Variants in RNF213 observed in about 807,000 individuals in gnomAD.
The protein encoded by RNF213 is ring finger protein 213.
Under a neutral mutation model 514.4 loss-of-function variants are expected in RNF213, and 341 were observed. That is an observed-to-expected ratio of 0.66 (90% CI 0.61 to 0.73). The LOEUF is 0.73. RNF213 is among the 30% of genes least tolerant of loss of function. The pLI is 0.00. For synonymous variants in RNF213, 2,655 were observed against 2,658.2 expected, an observed-to-expected ratio of 1.00 and a Z score of 0.04; for missense variants, 5,767 against 6,615.6, an observed-to-expected ratio of 0.87 and a Z score of 4.45.
rs1482605965 is a variant in RNF213 at position 80,305,689 on chromosome 17, G to A, written c.2211-563G>A. The stretch of plus-strand genomic sequence containing the variant: ...TGCAGTGGCGTGATCTCGGCTCACT[G>A]CAATCTCTGCCGCCGGGGCTCAAGT... On this transcript the variant is annotated intron_variant, in intron 11 of 67. Transcript: ENST00000582970. 1.0e-4 allele frequency among the ~76,000 whole-genome samples: 15 copies of A among 150,152 alleles called. No homozygotes were observed. The East Asian group carries it at 3.0e-3, about 30-fold the overall frequency.
At chr17:80,305,911 G>A (rs1311124338) in intron 11 of RNF213, among the ~76,000 whole-genome samples, 10 of 152,144 alleles carry the variant, frequency 6.6e-5, no homozygotes, top group South Asian at 4.1e-4. Context: ...GAGCCACCAC[G>A]CCCGGCCATT....
chr17:80,368,926 G>A (rs1020277528), intron 44 of RNF213, among the ~76,000 whole-genome samples: 18 of 152,176 alleles, frequency 1.2e-4, no homozygotes, highest in African/African-American at 4.3e-4. Flanking sequence ...CTAAAAGTGG[G>A]GCACCAGGCA....
chr17:80,321,542 A>G (rs1730110705), intron 17 of RNF213: 1 of 152,230 alleles, frequency 6.6e-6, no homozygotes, highest in Non-Finnish European at 1.5e-5. Flanking sequence ...TTGCTGAATC[A>G]TATGGTAACT....
Position 80,312,384 on chromosome 17 carries a change from G to C in RNF213, c.2656-628G>C, listed in dbSNP as rs57970281. 1.3e-3 allele frequency among the ~76,000 whole-genome samples: 197 copies of C among 151,710 alleles called. 3 individuals are homozygous for C. The highest frequency in any genetic ancestry group is 4.5e-3 in the African/African-American group (184 of 41,302). On this transcript the variant is annotated intron_variant, in intron 14 of 67. Coordinates refer to ENST00000582970, the MANE Select transcript of RNF213 (RefSeq NM_001256071.3). ...GGTCTGGTGGGTCCGGCACGGAGGCGGGGGGAGAGCATGATGGGAGCACAG... is the reference window on the plus strand; with the variant it reads ...GGTCTGGTGGGTCCGGCACGGAGGCCGGGGGAGAGCATGATGGGAGCACAG...
Position 80,373,061 on chromosome 17 carries a change from G to T in RNF213, c.12838G>T (p.Val4280Leu), listed in dbSNP as rs1253930018. The change falls in exon 49 of 68, where the codon GTG (valine) becomes TTG (leucine). Residue 4280 changes from valine (V) to leucine (L), a missense_variant. This residue lies in a region of RNF213 where 1,245 missense variants were observed against 1,339.0 expected (regional missense o/e 0.93). Coordinates refer to ENST00000582970, the MANE Select transcript of RNF213 (RefSeq NM_001256071.3). ...VENDWHRVYLVRKLSSQRGME... is the reference protein window; with the variant it reads ...VENDWHRVYLLRKLSSQRGME... ...GAACGACTGGCACCGGGTGTACCTG[G>T]TGCGGAAGCTCAGCAGCCAGCGGGG... 8.7e-6 allele frequency: 14 copies of T among 1,613,890 alleles called. No individual in the cohort carries two copies. Among genetic ancestry groups the T allele is most frequent in the Non-Finnish European group, 1.2e-5 (14 of 1,180,012 alleles).
At chr17:80,325,221 A>C in intron 18 of RNF213, 23 bp downstream of exon 18, 1 of 1,519,284 alleles carries the variant, frequency 6.6e-7, no homozygotes, top group East Asian at 2.5e-5. Flanking sequence ...GAGTGCTGGG[A>C]ACATCAGCTC....
intron 37 of RNF213, among the ~76,000 whole-genome samples, chr17:80,359,493 GC>G (rs2078960843): frequency 2.1e-5 from 1 of 47,712 alleles, no homozygotes; most frequent in Non-Finnish European, 3.7e-5. Context: ...CTGCACTCTA[GC>G]CTGGGTGGTG....
At chr17:80,297,776 G>A (rs1367403623) in intron 10 of RNF213, among the ~76,000 whole-genome samples, 5 of 129,344 alleles carry the variant, frequency 3.9e-5, no homozygotes, top group African/African-American at 6.0e-5. Context: ...AACAGAGTGA[G>A]ACTCCGTCTC....
intron 55 of RNF213, 66 bp downstream of exon 55, chr17:80,379,780 A>G: frequency 7.7e-7 from 1 of 1,294,034 alleles, no homozygotes; most frequent in Non-Finnish European, 1.1e-6. Flanking sequence ...TTTTTATTCC[A>G]GCTGATAAAG....
intron 49 of RNF213, among the ~76,000 whole-genome samples, chr17:80,373,630 G>T (rs1414635503): frequency 6.6e-6 from 1 of 152,142 alleles, no homozygotes; most frequent in East Asian, 1.9e-4. Context: ...AGCTTGCAAG[G>T]TGCGACCTTT....
At position 80,349,960 on chromosome 17, in the gene RNF213, G is replaced by A; in HGVS notation, c.10088+54G>A. The A allele has an allele frequency of 3.7e-6, 6 of 1,608,486 alleles. No homozygotes were observed. The South Asian group carries it at 6.6e-5, about 18-fold the overall frequency. On this transcript the variant is annotated intron_variant, in intron 30 of 67. Transcript: ENST00000582970. The stretch of plus-strand genomic sequence containing the variant: ...TCTCCCTCCCCAGCCGCAGCCGTGT[G>A]GCTTCTGCGTGGCGATGGTACCCGC...
At chr17:80,284,614 T>C (rs949318903) in intron 3 of RNF213, among the ~76,000 whole-genome samples, 2 of 152,068 alleles carry the variant, frequency 1.3e-5, no homozygotes, top group Non-Finnish European at 2.9e-5. Flanking sequence ...TCTAATCCCA[T>C]TGAGGAAGTT....
At chr17:80,292,848 C>T (rs1366119666) in intron 8 of RNF213, among the ~76,000 whole-genome samples, 1 of 152,094 alleles carries the variant, frequency 6.6e-6, no homozygotes, top group African/African-American at 2.4e-5. Context: ...CTGGGGTCAA[C>T]TGGTTGTTGC....
intron 15 of RNF213, chr17:80,316,084 G>A (rs1394886417): frequency 6.6e-6 from 1 of 151,998 alleles, no homozygotes; most frequent in East Asian, 1.9e-4. Flanking sequence ...CCTGACCTAA[G>A]AAAAGTTCAT....
Position 80,395,477 on chromosome 17 carries a change from G to T in RNF213, c.*1979G>T, listed in dbSNP as rs557895309. ...AGGCTCTGCCTTCACATGTGAGACG[G>T]TGGACTTTTCCTCTGGACAAAATGA... On this transcript the variant is annotated 3_prime_UTR_variant, in exon 68 of 68. Transcript: ENST00000582970. 1 of 152,252 alleles carries T rather than the reference G, an allele frequency of 6.6e-6. No individual in the cohort carries two copies. The highest frequency in any genetic ancestry group is 1.5e-5 in the Non-Finnish European group (1 of 68,076). 9.4% of individuals were successfully genotyped at this position (152,252 alleles called of 1,614,324 possible).
intron 42 of RNF213, chr17:80,365,041 G>C (rs2079205711): frequency 4.7e-6 from 1 of 214,670 alleles, no homozygotes; most frequent in African/African-American, 2.3e-5. Flanking sequence ...CCTTCATAAA[G>C]CTACTAATGT....
chr17:80,290,458 C>T (rs2044671698), intron 6 of RNF213, 112 bp from the exon 7 acceptor site: 2 of 1,289,030 alleles, frequency 1.6e-6, no homozygotes, highest in African/African-American at 3.0e-5. Flanking sequence ...TGTGCGAGTG[C>T]ATGTGTGTGT....
Position 80,281,615 on chromosome 17 carries a change from C to G in RNF213, c.262-6200C>G, listed in dbSNP as rs111971327. On this transcript the variant is annotated intron_variant, in intron 3 of 67. Coordinates refer to ENST00000582970, the MANE Select transcript of RNF213 (RefSeq NM_001256071.3). The stretch of plus-strand genomic sequence containing the variant: ...GCCAACACACACAGCCAACTCACAC[C>G]ACTCACACACACCCCCAACACACAC... Among the ~76,000 whole-genome samples, 116 of 126,776 alleles carry G rather than the reference C, an allele frequency of 9.2e-4. 1 individual carries two copies. The highest frequency in any genetic ancestry group is 3.3e-3 in the African/African-American group (113 of 34,628). 83.2% of individuals were successfully genotyped at this position (126,776 alleles called of 152,430 possible). A position where few individuals can be genotyped will look rare whatever the true frequency, so the allele number is the denominator to read the frequency against.
intron 2 of RNF213, 109 bp from the exon 3 acceptor site, chr17:80,273,132 G>A: frequency 6.9e-7 from 1 of 1,446,142 alleles, no homozygotes; most frequent in Non-Finnish European, 9.7e-7. Flanking sequence ...GGACCTCGGA[G>A]GGAGAACAGG....
Sources: allele counts gnomAD v4.1 joint callset (sites outside exome capture counted in the v4.1 genomes callset), GRCh38; gene constraint gnomAD v4.1.1; regional missense constraint gnomAD v4.1.1; transcripts MANE v1.5; gene names NCBI Gene and HGNC (gene_info 2026-07-23, HGNC 2026-07-21).